The following OR1L6 variants were observed in gnomAD, a reference collection of about 807,000 sequenced individuals.
OR1L6 encodes the protein olfactory receptor 1L6.
Under a neutral mutation model 3.0 loss-of-function variants are expected in OR1L6, and 2 were observed. The observed-to-expected ratio is 0.68, with a 90% confidence interval of 0.28 to 2.13. The LOEUF (loss-of-function observed/expected upper bound fraction) is 2.13. Among genes scored for constraint, OR1L6 ranks in the 30% most tolerant of loss-of-function variants. OR1L6 has a pLI of 0.14. For synonymous variants in OR1L6, 121 were observed against 148.4 expected (o/e 0.82, Z 1.34); for missense variants, 304 against 378.4 (o/e 0.80, Z 1.63).
At chr9:122,744,280 A>C (rs949762470) in intron 1 of OR1L6, among the ~76,000 whole-genome samples, 2 of 152,106 alleles carry the variant, frequency 1.3e-5, no homozygotes, top group East Asian at 3.9e-4. Flanking sequence ...CAGCATCCCA[A>C]TTTGGGAAGT....
intron 1 of OR1L6, among the ~76,000 whole-genome samples, chr9:122,745,408 C>CTTTT (rs71892392): frequency 0.013 from 1,122 of 87,654 alleles, 160 homozygotes; most frequent in African/African-American, 0.028. Context: ...ATAAACACAC[C>CTTTT]TTTTTTTTTT....
chr9:122,749,986 A>G lies in OR1L6; in HGVS notation c.139A>G (p.Ile47Val). The G allele has an allele frequency of 6.2e-7, 1 of 1,614,004 alleles. No individual in the cohort carries two copies. Among genetic ancestry groups the G allele is most frequent in the South Asian group, 1.1e-5 (1 of 91,066 alleles). ...CGCTGCGGTGGGGAATGTGCTCATC[A>G]TCCCGGCCATCTACTCTGACCCCAG... ...LLAAVGNVLIIPAIYSDPRLH... is the reference protein window; with the variant it reads ...LLAAVGNVLIVPAIYSDPRLH... The change falls in exon 2 of 2, where the codon ATC (isoleucine) becomes GTC (valine). Residue 47 changes from isoleucine to valine, a missense_variant. Physicochemically the swap from Ile to Val is conservative, Grantham distance 29. This residue lies in a region of OR1L6 where 192 missense variants were observed against 242.7 expected (regional missense o/e 0.79). Coordinates refer to ENST00000304720, the MANE Select transcript of OR1L6 (RefSeq NM_001004453.3).
Position 122,750,680 on chromosome 9 carries a change from T to A in OR1L6, c.833T>A (p.Met278Lys). The change falls in exon 2 of 2, where the codon ATG becomes AAG. Residue 278 changes from methionine (M) to lysine (K), a missense_variant. Met to Lys is a moderately conservative substitution (Grantham distance 95). Around this residue, in one of 3 missense-constraint regions of OR1L6, gnomAD observed 91 missense variants for 87.8 expected, o/e 1.04. Transcript: ENST00000304720. ...GTTAGGGACCGGGTAGCCACAGTTA[T>A]GTACACAGTAGTGACACCCATGCTG... ...SVVRDRVATVMYTVVTPMLNP... is the reference protein window; with the variant it reads ...SVVRDRVATVKYTVVTPMLNP... 6.2e-7 allele frequency: 1 copy of A among 1,614,052 alleles called. No homozygotes were observed. The highest frequency in any genetic ancestry group is 1.1e-5 in the South Asian group (1 of 91,074).
chr9:122,750,644 T>C lies in OR1L6; in HGVS notation c.797T>C (p.Met266Thr). The C allele has an allele frequency of 1.9e-6, 3 of 1,614,214 alleles. No homozygotes were observed. Among genetic ancestry groups the C allele is most frequent in the Non-Finnish European group, 1.7e-6 (2 of 1,180,050 alleles). The stretch of plus-strand genomic sequence containing the variant: ...TATGTCTATTTTAGGCCCCTGTCCA[T>C]GTACTCAGTGGTTAGGGACCGGGTA... ...IIYVYFRPLS[M>T]YSVVRDRVAT... The change falls in exon 2 of 2, where the codon ATG (methionine) becomes ACG (threonine). Residue 266 changes from methionine (M) to threonine (T), a missense_variant. Met to Thr is a moderately conservative substitution (Grantham distance 81, BLOSUM62 -1). Transcript: ENST00000304720.
intron 1 of OR1L6, among the ~76,000 whole-genome samples, chr9:122,743,103 T>G (rs888121661): frequency 6.6e-6 from 1 of 152,238 alleles, no homozygotes. Context: ...TAATCTGTAA[T>G]AGCTGTATTA....
intron 1 of OR1L6, among the ~76,000 whole-genome samples, chr9:122,743,894 A>G (rs1443903450): frequency 6.6e-6 from 1 of 152,168 alleles, no homozygotes; most frequent in Non-Finnish European, 1.5e-5. Flanking sequence ...GCACTTGGCA[A>G]TAAGATGGCC....
intron 1 of OR1L6, 58 bp from the exon 2 acceptor site, chr9:122,749,777 C>A: frequency 6.9e-7 from 1 of 1,451,422 alleles, no homozygotes; most frequent in Non-Finnish European, 9.7e-7. Flanking sequence ...ATGAAAGAAG[C>A]TGTCTTGGTC....
rs1828800124 is a variant in OR1L6, at chr9:122,742,335, T to A, written c.-52T>A. 6.6e-6 allele frequency: 1 copy of A among 152,150 alleles called. No homozygotes were observed. 9.4% of individuals were successfully genotyped at this position (152,150 alleles called of 1,614,324 possible). On this transcript the variant is annotated 5_prime_UTR_variant, in exon 1 of 2. Coordinates refer to ENST00000304720, the MANE Select transcript of OR1L6 (RefSeq NM_001004453.3). ...CTTAACCCCATGGCAGATCCCGAAGTCTTTTTAGGCCCCTGAATCTCCTTT... is the reference window on the plus strand; with the variant it reads ...CTTAACCCCATGGCAGATCCCGAAGACTTTTTAGGCCCCTGAATCTCCTTT...
chr9:122,742,344 GC>G lies in OR1L6; in HGVS notation c.-39del, dbSNP rs1340395702. The G allele has an allele frequency of 6.6e-6, 1 of 152,124 alleles. No individual in the cohort carries two copies. Among genetic ancestry groups the G allele is most frequent in the Non-Finnish European group, 1.5e-5 (1 of 68,038 alleles). The allele number at this position is 152,124 out of a possible 1,614,324, so 9.4% of individuals were successfully genotyped here. On this transcript the variant is annotated 5_prime_UTR_variant, in exon 1 of 2. The change abolishes the stop of an existing upstream ORF in the 5' untranslated region. Coordinates refer to ENST00000304720, the MANE Select transcript of OR1L6 (RefSeq NM_001004453.3). ...ATGGCAGATCCCGAAGTCTTTTTAG[GC>G]CCCTGAATCTCCTTTGTCAAGCCCA... is the stretch of plus-strand genomic sequence containing the variant.
chr9:122,743,709 A>G (rs1828809773), intron 1 of OR1L6, among the ~76,000 whole-genome samples: 2 of 152,352 alleles, frequency 1.3e-5, no homozygotes, highest in South Asian at 4.1e-4. Flanking sequence ...AGATCTGACA[A>G]AGCTGTAGTC....
At chr9:122,746,314 T>A (rs1471128014) in intron 1 of OR1L6, among the ~76,000 whole-genome samples, 1 of 152,192 alleles carries the variant, frequency 6.6e-6, no homozygotes, top group Non-Finnish European at 1.5e-5. Flanking sequence ...GTCATAGGAT[T>A]TGGAGAAAAT....
chr9:122,744,446 A>T (rs962191155), intron 1 of OR1L6, among the ~76,000 whole-genome samples: 1 of 151,574 alleles, frequency 6.6e-6, no homozygotes, highest in Non-Finnish European at 1.5e-5. Flanking sequence ...AGGACCCTGC[A>T]TAAGTGATGA....
At chr9:122,745,415 TTTTTTTTTTTTA>T (rs1299734658) in intron 1 of OR1L6, among the ~76,000 whole-genome samples, 2 of 129,700 alleles carry the variant, frequency 1.5e-5, no homozygotes, top group African/African-American at 5.9e-5. Context: ...CACCTTTTTT[TTTTTTTTTTTTA>T]TTTGAGATGG....
chr9:122,745,483 G>T (rs1427456451), intron 1 of OR1L6, among the ~76,000 whole-genome samples: 1 of 137,692 alleles, frequency 7.3e-6, no homozygotes, highest in Non-Finnish European at 1.5e-5. Flanking sequence ...CGTGATCTCG[G>T]CTCACTGCAA....
intron 1 of OR1L6, among the ~76,000 whole-genome samples, chr9:122,747,389 A>G (rs926741082): frequency 6.6e-6 from 1 of 151,998 alleles, no homozygotes; most frequent in African/African-American, 2.4e-5. Flanking sequence ...AAATTGTTCT[A>G]ATTTTTTTCA....
chr9:122,744,850 C>T (rs1355842336), intron 1 of OR1L6, among the ~76,000 whole-genome samples: 1 of 152,128 alleles, frequency 6.6e-6, no homozygotes, highest in African/African-American at 2.4e-5. Flanking sequence ...AATGACTTGC[C>T]CGAGGCATGA....
chr9:122,743,502 T>C (rs1445538479), intron 1 of OR1L6, among the ~76,000 whole-genome samples: 2 of 152,188 alleles, frequency 1.3e-5, no homozygotes, highest in Admixed American at 6.5e-5. Flanking sequence ...AGAAAGGACC[T>C]GCAGAATCCC....
At chr9:122,747,795 T>A (rs1445801254) in intron 1 of OR1L6, among the ~76,000 whole-genome samples, 1 of 152,076 alleles carries the variant, frequency 6.6e-6, no homozygotes, top group African/African-American at 2.4e-5. Context: ...CAGATGATTA[T>A]CTTGGATTTT....
chr9:122,746,511 T>G (rs1828838798), intron 1 of OR1L6, among the ~76,000 whole-genome samples: 1 of 152,256 alleles, frequency 6.6e-6, no homozygotes, highest in Non-Finnish European at 1.5e-5. Flanking sequence ...GTGGTTGTTT[T>G]GTTTGTTATG....
Sources: allele counts gnomAD v4.1 joint callset (sites outside exome capture counted in the v4.1 genomes callset), GRCh38; gene constraint gnomAD v4.1.1; regional missense constraint gnomAD v4.1.1; transcripts MANE v1.5; gene names NCBI Gene and HGNC (gene_info 2026-07-23, HGNC 2026-07-21).